ENOX1: variants seen among roughly 807,000 people sequenced by gnomAD.
ENOX1 encodes ecto-NOX disulfide-thiol exchanger 1, also known as candidate growth-related and time keeping constitutive hydroquinone (NADH) oxidase.
Under a neutral mutation model 82.5 loss-of-function variants are expected in ENOX1, and 42 were observed. That is an observed-to-expected ratio of 0.51 (90% CI 0.40 to 0.66). The LOEUF is 0.66. Ranked by LOEUF, ENOX1 falls within the 30% of genes least tolerant of loss-of-function variation. The pLI is 0.00. For synonymous variants in ENOX1, 271 were observed against 282.2 expected (o/e 0.96, Z 0.40); for missense variants, 608 against 811.6 (o/e 0.75, Z 3.05).
chr13:43,374,701 C>CT (rs1425367754), intron 5 of ENOX1, among the ~76,000 whole-genome samples: 1 of 152,152 alleles, frequency 6.6e-6, no homozygotes, highest in Non-Finnish European at 1.5e-5. Flanking sequence ...TTTCAAAATC[C>CT]TTTTTTAGTC....
chr13:43,734,604 ATG>A (rs1393207470), intron 1 of ENOX1, among the ~76,000 whole-genome samples: 4 of 152,188 alleles, frequency 2.6e-5, no homozygotes, highest in Admixed American at 2.0e-4. Flanking sequence ...CACTCTCGTC[ATG>A]TGTTTTTCAG....
At chr13:43,430,889 C>T (rs1227489184) in intron 3 of ENOX1, among the ~76,000 whole-genome samples, 1 of 152,188 alleles carries the variant, frequency 6.6e-6, no homozygotes, top group Non-Finnish European at 1.5e-5. Flanking sequence ...TATAGAAAGT[C>T]ATTTTCAGTC....
Position 43,784,308 on chromosome 13 carries a change from A to G in ENOX1, c.-285+2344T>C, listed in dbSNP as rs528237808. On this transcript the variant is annotated intron_variant, in intron 1 of 16. Coordinates refer to ENST00000690772, the MANE Select transcript of ENOX1 (RefSeq NM_001347969.2). Reference sequence around the variant, plus strand: ...CCCACAACTTGAAACTAAATCCCTTAGGGAAATCAAGGTATGAACTAGAGA... The same window carrying G: ...CCCACAACTTGAAACTAAATCCCTTGGGGAAATCAAGGTATGAACTAGAGA... Among the ~76,000 whole-genome samples, 9 of 152,350 alleles carry G rather than the reference A, an allele frequency of 5.9e-5. No individual in the cohort carries two copies. The East Asian group carries it at 1.7e-3, about 29-fold the overall frequency.
At chr13:43,658,189 G>A (rs2084538177) in intron 2 of ENOX1, among the ~76,000 whole-genome samples, 1 of 152,104 alleles carries the variant, frequency 6.6e-6, no homozygotes, top group South Asian at 2.1e-4. Context: ...CTGAAAATAT[G>A]TTATTTGAAG....
At chr13:43,258,707 C>T (rs1316941854) in intron 14 of ENOX1, among the ~76,000 whole-genome samples, 2 of 152,148 alleles carry the variant, frequency 1.3e-5, no homozygotes, top group African/African-American at 2.4e-5. Context: ...TCCTGATTTT[C>T]CAGTTGAGCT....
rs1400166015 is a variant in ENOX1, at chr13:43,417,242, C to CGGGAGACGGGAGAGGGAGA, written c.-74-4255_-74-4254insTCTCCCTCTCCCGTCTCCC. ...GAGACGGGAGACGGGAGACGGGAGA[C>CGGGAGACGGGAGAGGGAGA]GGGAGAGGGAGAGGGAGAGGGAGAG... On this transcript the variant is annotated intron_variant, in intron 3 of 16. Coordinates refer to ENST00000690772, the MANE Select transcript of ENOX1 (RefSeq NM_001347969.2). Among the ~76,000 whole-genome samples, 188 of 82,828 alleles carry CGGGAGACGGGAGAGGGAGA rather than the reference C, an allele frequency of 2.3e-3. 6 individuals carry two copies. Among genetic ancestry groups the CGGGAGACGGGAGAGGGAGA allele is most frequent in the South Asian group, 9.8e-3 (18 of 1,834 alleles). The allele number at this position is 82,828 out of a possible 152,430, so 54.3% of individuals were successfully genotyped here.
At chr13:43,757,920 A>G (rs1950743718) in intron 1 of ENOX1, among the ~76,000 whole-genome samples, 1 of 152,130 alleles carries the variant, frequency 6.6e-6, no homozygotes, top group Non-Finnish European at 1.5e-5. Flanking sequence ...AAAACTGGAA[A>G]CTGGAAACAA....
chr13:43,352,409 T>A (rs1732115681), intron 8 of ENOX1, among the ~76,000 whole-genome samples: 1 of 152,246 alleles, frequency 6.6e-6, no homozygotes, highest in Admixed American at 6.5e-5. Context: ...CCTTCCTCAC[T>A]GTCTAATCAA....
intron 12 of ENOX1, among the ~76,000 whole-genome samples, chr13:43,288,707 C>T (rs2045839400): frequency 6.6e-6 from 1 of 152,116 alleles, no homozygotes. Flanking sequence ...ATGGGCTATT[C>T]CTTCCTTCTA....
intron 2 of ENOX1, among the ~76,000 whole-genome samples, chr13:43,642,475 G>T (rs1449470157): frequency 6.6e-6 from 1 of 151,984 alleles, no homozygotes; most frequent in African/African-American, 2.4e-5. Context: ...GTAATTATTG[G>T]GAAAAAAGGA....
chr13:43,769,184 C>T (rs1951452631), intron 1 of ENOX1, among the ~76,000 whole-genome samples: 1 of 152,170 alleles, frequency 6.6e-6, no homozygotes, highest in South Asian at 2.1e-4. Flanking sequence ...AATAGGATGA[C>T]ATATGCAACT....
At chr13:43,447,782 T>C (rs2056738967) in intron 3 of ENOX1, among the ~76,000 whole-genome samples, 1 of 152,192 alleles carries the variant, frequency 6.6e-6, no homozygotes, top group Non-Finnish European at 1.5e-5. Flanking sequence ...GTATTTATTG[T>C]TGAAGCTATC....
chr13:43,366,009 C>T (rs139972070), intron 5 of ENOX1, among the ~76,000 whole-genome samples: 8 of 152,320 alleles, frequency 5.3e-5, no homozygotes, highest in Non-Finnish European at 8.8e-5. Context: ...TGCAGAGAAG[C>T]CACGTGATAC....
intron 5 of ENOX1, among the ~76,000 whole-genome samples, chr13:43,391,844 G>T (rs753835200): frequency 3.3e-5 from 5 of 152,012 alleles, no homozygotes; most frequent in Non-Finnish European, 5.9e-5. Context: ...TTCAATCATA[G>T]AATCCCTCTG....
chr13:43,423,560 C>T (rs2153608481), intron 3 of ENOX1, among the ~76,000 whole-genome samples: 1 of 152,322 alleles, frequency 6.6e-6, no homozygotes, highest in South Asian at 2.1e-4. Flanking sequence ...ACTATCCAGC[C>T]TCAGCTAGTG....
intron 3 of ENOX1, among the ~76,000 whole-genome samples, chr13:43,459,683 G>A (rs1201410522): frequency 3.9e-5 from 6 of 152,106 alleles, no homozygotes; most frequent in African/African-American, 1.4e-4. Flanking sequence ...ATAATCCTTT[G>A]TTTTCTCTTT....
intron 5 of ENOX1, among the ~76,000 whole-genome samples, chr13:43,407,519 C>G (rs2053871028): frequency 6.6e-6 from 1 of 152,094 alleles, no homozygotes; most frequent in Non-Finnish European, 1.5e-5. Flanking sequence ...TTTGCTGTAC[C>G]TATCAACCCA....
chr13:43,369,284 T>C (rs2051057780), intron 5 of ENOX1, among the ~76,000 whole-genome samples: 1 of 152,186 alleles, frequency 6.6e-6, no homozygotes. Context: ...TTTTCTGACA[T>C]CTAAAAATTC....
intron 1 of ENOX1, among the ~76,000 whole-genome samples, chr13:43,750,676 T>C (rs1194006272): frequency 6.6e-6 from 1 of 152,058 alleles, no homozygotes; most frequent in Non-Finnish European, 1.5e-5. Flanking sequence ...CATCAACAGG[T>C]AGGGTAAGGC....
Sources: allele counts gnomAD v4.1 joint callset (sites outside exome capture counted in the v4.1 genomes callset), GRCh38; gene constraint gnomAD v4.1.1; transcripts MANE v1.5; gene names NCBI Gene and HGNC (gene_info 2026-07-23, HGNC 2026-07-21).